Variants in PUDP observed in about 807,000 individuals in gnomAD.
PUDP encodes the protein pseudouridine 5'-phosphatase.
In PUDP, 8 loss-of-function variants were observed where a neutral mutation model predicts 9.4. That is an observed-to-expected ratio of 0.85 (90% CI 0.50 to 1.53). The LOEUF is 1.53. Among genes scored for constraint, PUDP ranks in the 40% most tolerant of loss-of-function variants. PUDP has a pLI of 0.00. For missense variants in PUDP, 188 were observed against 189.7 expected (o/e 0.99, Z 0.05); for synonymous variants, 99 against 80.7 (o/e 1.23, Z -1.22).
chrX:6,844,677 T>C (rs2146719716), intron 3 of PUDP, among the ~76,000 whole-genome samples: 1 of 112,676 alleles, frequency 8.9e-6, no homozygotes, highest in Non-Finnish European at 1.9e-5. Context: ...TATGGAGATA[T>C]ACAAGATGGG....
At chrX:6,937,310 C>T (rs1357998928) in intron 3 of PUDP, among the ~76,000 whole-genome samples, 1 of 102,280 alleles carries the variant, frequency 9.8e-6, no homozygotes, top group Non-Finnish European at 2.0e-5. Context: ...CAGAACAGAG[C>T]CCTCAGAAAT....
chrX:6,972,802 C>T (rs1214269507), intron 3 of PUDP, among the ~76,000 whole-genome samples: 1 of 111,657 alleles, frequency 9.0e-6, no homozygotes, highest in Non-Finnish European at 1.9e-5. Flanking sequence ...CTCTTTGTAC[C>T]TCTGGTAGAA....
At chrX:6,731,193 C>T (rs1051847193) in intron 3 of PUDP, among the ~76,000 whole-genome samples, 8 of 112,237 alleles carry the variant, frequency 7.1e-5, no homozygotes, top group Non-Finnish European at 1.5e-4. Context: ...GTCTCAGCCC[C>T]CTGAGTAGTT....
chrX:6,773,461 T>C (rs778416561), intron 3 of PUDP, among the ~76,000 whole-genome samples: 2 of 111,971 alleles, frequency 1.8e-5, no homozygotes, highest in East Asian at 5.6e-4. Context: ...CACATTGTAC[T>C]TTGCAGATCA....
At chrX:6,812,620 G>A (rs776535829) in intron 3 of PUDP, among the ~76,000 whole-genome samples, 13 of 111,998 alleles carry the variant, frequency 1.2e-4, no homozygotes, top group African/African-American at 4.2e-4. Flanking sequence ...TTCCTTACAT[G>A]TGGGAAATAG....
chrX:6,877,639 C>A (rs12687904), intron 3 of PUDP, among the ~76,000 whole-genome samples: 2 of 111,457 alleles, frequency 1.8e-5, no homozygotes, highest in Non-Finnish European at 3.8e-5. Flanking sequence ...ATAAGCAATA[C>A]CCACAGGCAT....
intron 3 of PUDP, among the ~76,000 whole-genome samples, chrX:6,767,271 T>C (rs1240457102): frequency 2.7e-5 from 3 of 111,846 alleles, no homozygotes; most frequent in Non-Finnish European, 3.8e-5. Context: ...AAAAGGAGAG[T>C]CAGTTCCCTT....
At chrX:6,988,853 C>T (rs921932977) in intron 1 of PUDP, among the ~76,000 whole-genome samples, 3 of 111,433 alleles carry the variant, frequency 2.7e-5, no homozygotes, top group African/African-American at 9.8e-5. Context: ...ACTTTTGTTA[C>T]ATTCCAGCCT....
intron 3 of PUDP, among the ~76,000 whole-genome samples, chrX:6,737,781 C>T (rs1238392813): frequency 4.5e-5 from 5 of 111,539 alleles, no homozygotes; most frequent in Non-Finnish European, 9.4e-5. Context: ...TTTCCTGTTT[C>T]CAGGTTGGGA....
intron 1 of PUDP, chrX:7,116,840 TTGG>T: frequency 9.6e-7 from 1 of 1,046,304 alleles, no homozygotes; most frequent in Non-Finnish European, 1.3e-6. Context: ...CATCCTCCAC[TTGG>T]TGATCAGTGA....
chrX:6,981,774 C>T (rs754000953), intron 1 of PUDP, among the ~76,000 whole-genome samples: 1 of 110,900 alleles, frequency 9.0e-6, no homozygotes, highest in African/African-American at 3.3e-5. Flanking sequence ...TTCCCCAAAT[C>T]GTAGAGTCAA....
chrX:6,750,453 C>T (rs946414004), intron 3 of PUDP, among the ~76,000 whole-genome samples: 12 of 110,688 alleles, frequency 1.1e-4, no homozygotes, highest in African/African-American at 4.0e-4. Flanking sequence ...GAGTAAACCC[C>T]TGAAGAGGCA....
intron 1 of PUDP, among the ~76,000 whole-genome samples, chrX:7,036,206 T>C (rs1929851280): frequency 8.9e-6 from 1 of 112,298 alleles, no homozygotes; most frequent in Non-Finnish European, 1.9e-5. Flanking sequence ...AAGGACTTTT[T>C]ATATCTTGCC....
chrX:7,064,807 G>A (rs1366049497), intron 3 of PUDP, among the ~76,000 whole-genome samples: 3 of 111,804 alleles, frequency 2.7e-5, no homozygotes, highest in African/African-American at 6.5e-5. Context: ...TACAGAAAAC[G>A]TATTTTCTTA....
chrX:7,015,193 T>G (rs1929530928), intron 1 of PUDP, among the ~76,000 whole-genome samples: 1 of 112,174 alleles, frequency 8.9e-6, no homozygotes, highest in Non-Finnish European at 1.9e-5. Flanking sequence ...AATATTTATT[T>G]GATCACAGTT....
intron 3 of PUDP, among the ~76,000 whole-genome samples, chrX:6,806,147 T>C (rs1926047362): frequency 1.8e-5 from 2 of 111,233 alleles, no homozygotes; most frequent in African/African-American, 6.5e-5. Context: ...CCCAAAGGTG[T>C]GATTTGCTTT....
intron 3 of PUDP, among the ~76,000 whole-genome samples, chrX:6,830,940 C>T (rs1362431719): frequency 8.9e-6 from 1 of 112,058 alleles, no homozygotes; most frequent in Non-Finnish European, 1.9e-5. Flanking sequence ...ACAGAGCCGG[C>T]TGTACAGGAG....
intron 3 of PUDP, among the ~76,000 whole-genome samples, chrX:6,743,566 T>C (rs148689779): frequency 0.011 from 1,205 of 112,217 alleles, 27 homozygotes; most frequent in African/African-American, 0.037. Flanking sequence ...TGAATTTATA[T>C]CTGAAGCCAT....
At chrX:6,914,660 C>T (rs1927902265) in intron 3 of PUDP, among the ~76,000 whole-genome samples, 1 of 112,274 alleles carries the variant, frequency 8.9e-6, no homozygotes, top group Admixed American at 9.4e-5. Flanking sequence ...AGCTTCTAGG[C>T]AAAATTGTCT....
Sources: gnomAD v4.1 joint callset for allele counts (sites outside exome capture counted in the v4.1 genomes callset) on GRCh38, gnomAD v4.1.1 for gene constraint, MANE v1.5 for transcripts, NCBI Gene and HGNC (gene_info 2026-07-23, HGNC 2026-07-21) for gene names.